Variants in BGN observed in about 807,000 individuals in gnomAD.
The protein encoded by BGN is biglycan.
In BGN, 6 loss-of-function variants were observed where a neutral mutation model predicts 20.0. The observed-to-expected ratio is 0.30, with a 90% CI of 0.16 to 0.59. The LOEUF is 0.59. Ranked by LOEUF, BGN falls within the 20% of genes least tolerant of loss-of-function variation. BGN has a pLI of 0.88. For missense variants in BGN, 292 were observed against 312.1 expected (o/e 0.94, Z 0.49); for synonymous variants, 146 against 134.6 (o/e 1.08, Z -0.59).
intron 1 of BGN, among the ~76,000 whole-genome samples, chrX:153,498,493 A>G (rs2089734344): frequency 8.9e-6 from 1 of 112,517 alleles, no homozygotes; most frequent in South Asian, 3.7e-4. Flanking sequence ...ACACACACCC[A>G]TGGGAGCCCA....
intron 7 of BGN, 36 bp from the exon 8 acceptor site, chrX:153,508,212 G>A (rs1238590673): frequency 1.1e-5 from 13 of 1,197,870 alleles, no homozygotes; most frequent in African/African-American, 7.0e-5. Context: ...CGTGGAGGGA[G>A]GGAGGCCTGC....
At chrX:153,499,404 G>A (rs2089740603) in intron 1 of BGN, among the ~76,000 whole-genome samples, 2 of 112,764 alleles carry the variant, frequency 1.8e-5, no homozygotes, top group Admixed American at 1.9e-4. Flanking sequence ...GCTGCAAAGG[G>A]CTGGCACAGA....
intron 4 of BGN, among the ~76,000 whole-genome samples, 156 bp downstream of exon 4, chrX:153,506,232 C>T (rs782720909): frequency 5.4e-5 from 6 of 112,026 alleles, no homozygotes; most frequent in Non-Finnish European, 1.1e-4. Flanking sequence ...TCCATGCAGG[C>T]GATCACCACG....
Position 153,508,263 on chromosome X carries a change from T to G in BGN, c.925T>G (p.Ser309Ala), listed in dbSNP as rs1556993712. The change falls in exon 8 of 8, where the codon TCC (serine) becomes GCC (alanine). Residue 309 changes from serine to alanine, a missense_variant. Transcript: ENST00000331595. Reference sequence around the variant, plus strand: ...CTGCCTTCAGGTGGTCTATCTGCACTCCAACAACATCACCAAAGTGGGTGT... The same window carrying G: ...CTGCCTTCAGGTGGTCTATCTGCACGCCAACAACATCACCAAAGTGGGTGT... ...LKLLQVVYLH[S>A]NNITKVGVND... 8.3e-7 allele frequency: 1 copy of G among 1,210,649 alleles called. No individual in the cohort carries two copies. Among genetic ancestry groups the G allele is most frequent in the African/African-American group, 1.7e-5 (1 of 57,423 alleles).
At chrX:153,507,832 A>AG (rs782716696) in intron 7 of BGN, among the ~76,000 whole-genome samples, 1 of 113,326 alleles carries the variant, frequency 8.8e-6, no homozygotes, top group South Asian at 3.6e-4. Context: ...AGAGAGTTGG[A>AG]GGGGCTGCTA....
chrX:153,508,579 C>T lies in BGN; in HGVS notation c.*134C>T, dbSNP rs782819524. 1,895 of 752,506 alleles carry T rather than the reference C, an allele frequency of 2.5e-3. 3 individuals carry two copies. Among genetic ancestry groups the T allele is most frequent in the Non-Finnish European group, 3.2e-3 (1,694 of 527,057 alleles). The allele number at this position is 752,506 out of a possible 1,213,427, so 62.0% of individuals were successfully genotyped here. A position where few individuals can be genotyped will look rare whatever the true frequency, so the allele number is the denominator to read the frequency against. ...CAACCCAGCCCCCCACCTCGGGTCC[C>T]TGACCCCAGCTCGATGCCCCATCAC... On this transcript the variant is annotated 3_prime_UTR_variant, in exon 8 of 8. Coordinates refer to ENST00000331595, the MANE Select transcript of BGN (RefSeq NM_001711.6).
chrX:153,503,510 G>A (rs1275143245), intron 1 of BGN, among the ~76,000 whole-genome samples: 1 of 112,473 alleles, frequency 8.9e-6, no homozygotes, highest in African/African-American at 3.2e-5. Context: ...AGGTGAGGCT[G>A]GGATGAGACC....
In BGN at chrX:153,508,565, C is replaced by T. The variant is rs2089820063; in HGVS notation, c.*120C>T. 14 of 868,571 alleles carry T rather than the reference C, an allele frequency of 1.6e-5. No homozygotes were observed. Among genetic ancestry groups the T allele is most frequent in the South Asian group, 2.5e-5 (1 of 40,282 alleles). 71.6% of individuals were successfully genotyped at this position (868,571 alleles called of 1,213,427 possible). A position where few individuals can be genotyped will look rare whatever the true frequency, so the allele number is the denominator to read the frequency against. ...GGCCCAGCTGCGTCCAACCCAGCCC[C>T]CCACCTCGGGTCCCTGACCCCAGCT... is the stretch of plus-strand genomic sequence containing the variant. On this transcript the variant is annotated 3_prime_UTR_variant, in exon 8 of 8. Transcript: ENST00000331595.
At chrX:153,508,168 A>G in intron 7 of BGN, 80 bp from the exon 8 acceptor site, 2 of 1,083,012 alleles carry the variant, frequency 1.8e-6, no homozygotes, top group East Asian at 6.0e-5. Context: ...TGCAGAGGCA[A>G]CAGCAAAATG....
intron 1 of BGN, among the ~76,000 whole-genome samples, chrX:153,499,859 A>G (rs782269460): frequency 8.9e-6 from 1 of 112,977 alleles, no homozygotes; most frequent in South Asian, 3.6e-4. Context: ...ACTGGGCCCA[A>G]AAGGCTTTGG....
chrX:153,508,312 T>C lies in BGN; in HGVS notation c.974T>C (p.Phe325Ser). 1 of 1,212,144 alleles carries C rather than the reference T, an allele frequency of 8.2e-7. No individual in the cohort carries two copies. The highest frequency in any genetic ancestry group is 1.1e-6 in the Non-Finnish European group (1 of 895,554). The change falls in exon 8 of 8, where the codon TTC (phenylalanine) becomes TCC (serine). Residue 325 changes from phenylalanine to serine, a missense_variant. Phe to Ser is a radical substitution (Grantham distance 155, BLOSUM62 -2). Coordinates refer to ENST00000331595, the MANE Select transcript of BGN (RefSeq NM_001711.6). ...GTCAACGACTTCTGTCCCATGGGCT[T>C]CGGGGTGAAGCGGGCCTACTACAAC... ...VGVNDFCPMGFGVKRAYYNGI... is the reference protein window; with the variant it reads ...VGVNDFCPMGSGVKRAYYNGI...
rs1174791618 is a variant in BGN at position 153,508,648 on chromosome X, G to A, written c.*203G>A. 9.9e-5 allele frequency: 47 copies of A among 475,433 alleles called. No homozygotes were observed. The highest frequency in any genetic ancestry group is 1.4e-4 in the Non-Finnish European group (40 of 286,035). 39.2% of individuals were successfully genotyped at this position (475,433 alleles called of 1,213,427 possible). On this transcript the variant is annotated 3_prime_UTR_variant, in exon 8 of 8. Coordinates refer to ENST00000331595, the MANE Select transcript of BGN (RefSeq NM_001711.6). ...AAGGGTGCAGGTGGGCGCAAGGCCC[G>A]GCCCCCATCACATGTTCCCTTGGCC...
In BGN at chrX:153,508,532, T is replaced by C; in HGVS notation, c.*87T>C. 1.9e-6 allele frequency: 2 copies of C among 1,067,621 alleles called. No individual in the cohort carries two copies. Among genetic ancestry groups the C allele is most frequent in the South Asian group, 2.1e-5 (1 of 47,113 alleles). The allele number at this position is 1,067,621 out of a possible 1,213,427, so 88.0% of individuals were successfully genotyped here. A position where few individuals can be genotyped will look rare whatever the true frequency, so the allele number is the denominator to read the frequency against. On this transcript the variant is annotated 3_prime_UTR_variant, in exon 8 of 8. Transcript: ENST00000331595. ...TGATGGGGAGGCAGAGCCAGGAAGCTAAGCCAGGGCCCAGCTGCGTCCAAC... is the reference window on the plus strand; with the variant it reads ...TGATGGGGAGGCAGAGCCAGGAAGCCAAGCCAGGGCCCAGCTGCGTCCAAC...
At position 153,498,049 on chromosome X, in the gene BGN, T is replaced by C. The variant is rs527799477; in HGVS notation, c.-12+2936T>C. ...AGCCAGCCCAAGGGGCAGGGTCAGG[T>C]CCCGGCTCCCTGGCAGGCCTGGTGA... On this transcript the variant is annotated intron_variant, in intron 1 of 7. Transcript: ENST00000331595. 2.8e-4 allele frequency among the ~76,000 whole-genome samples: 32 copies of C among 112,545 alleles called. No individual in the cohort carries two copies. In the South Asian group the frequency reaches 0.011, roughly 37 times the overall value.
chrX:153,497,234 G>A (rs1287159102), intron 1 of BGN, among the ~76,000 whole-genome samples: 4 of 106,868 alleles, frequency 3.7e-5, no homozygotes, highest in African/African-American at 1.4e-4. Flanking sequence ...GCCCACCACC[G>A]AGCCCCCGAC....
intron 1 of BGN, chrX:153,495,638 C>T (rs782605608): frequency 2.8e-4 from 31 of 112,510 alleles, no homozygotes; most frequent in African/African-American, 9.0e-4. Flanking sequence ...CACCCAGGAG[C>T]AGTCCTCCGC....
intron 1 of BGN, among the ~76,000 whole-genome samples, chrX:153,504,099 C>T (rs887037471): frequency 6.2e-5 from 7 of 112,171 alleles, no homozygotes; most frequent in Admixed American, 1.9e-4. Flanking sequence ...TCAGAGTCGC[C>T]GCACTCAACT....
chrX:153,496,339 G>T (rs868906680), intron 1 of BGN, among the ~76,000 whole-genome samples: 3 of 112,991 alleles, frequency 2.7e-5, no homozygotes, highest in East Asian at 2.8e-4. Flanking sequence ...GCGCCCAGGG[G>T]TGCGGGTGAG....
chrX:153,503,363 T>G (rs1447908029), intron 1 of BGN, among the ~76,000 whole-genome samples: 1 of 112,281 alleles, frequency 8.9e-6, no homozygotes, highest in Non-Finnish European at 1.9e-5. Flanking sequence ...GAGGGTCTCC[T>G]GGGCGTGCGA....
Sources: allele counts gnomAD v4.1 joint callset (sites outside exome capture counted in the v4.1 genomes callset), GRCh38; gene constraint gnomAD v4.1.1; transcripts MANE v1.5; gene names NCBI Gene and HGNC (gene_info 2026-07-23, HGNC 2026-07-21).